Variants in LRP3 observed in about 807,000 individuals in gnomAD.
The protein encoded by LRP3 is low-density lipoprotein receptor-related protein 3.
Under a neutral mutation model 58.5 loss-of-function variants are expected in LRP3, and 49 were observed. The observed-to-expected ratio is 0.84, with a 90% CI of 0.67 to 1.06. LRP3 has a LOEUF of 1.06. Among genes scored for constraint, LRP3 ranks in the 50% least tolerant of loss-of-function variants. The pLI is 0.00. For missense variants in LRP3, 1,019 were observed against 1,134.2 expected (o/e 0.90, Z 1.46); for synonymous variants, 485 against 492.2 (o/e 0.99, Z 0.20).
chr19:33,202,882 G>A lies in LRP3; in HGVS notation c.156G>A (p.Glu52=). The A allele has an allele frequency of 1.2e-6, 2 of 1,611,128 alleles. No homozygotes were observed. Among genetic ancestry groups the A allele is most frequent in the East Asian group, 4.5e-5 (2 of 44,794 alleles). The change falls in exon 3 of 7, where the codon GAG becomes GAA. Residue 52 remains glutamate, a synonymous_variant. Coordinates refer to ENST00000253193, the MANE Select transcript of LRP3 (RefSeq NM_002333.4). ...ACSGKLEQHT[E]RRGVIYSPAW... ...GTGGGAAGCTGGAGCAGCACACGGA[G>A]CGGCGTGGGGTCATCTACAGCCCGG... is the stretch of plus-strand genomic sequence containing the variant.
intron 2 of LRP3, among the ~76,000 whole-genome samples, chr19:33,200,887 C>G (rs990686451): frequency 6.6e-4 from 100 of 152,210 alleles, no homozygotes; most frequent in African/African-American, 2.2e-3. Flanking sequence ...GCCAGCCTTG[C>G]TTTAGGACCA....
chr19:33,194,843 G>T lies in LRP3; in HGVS notation c.58G>T (p.Ala20Ser). Residue 20 changes from alanine (A) to serine (S), a missense_variant, in exon 1 of 7, where the codon GCC becomes TCC. Ala to Ser is a moderately conservative substitution (Grantham distance 99). Transcript: ENST00000253193. ...CGCGCCGGGCGCCCGGGCGCAGCTG[G>T]CCGTCGTCTGTCTGGGTGAGTGGGC... The part of the protein sequence containing the change: ...EGAPGARAQL[A>S]VVCLVNIFLT... The T allele has an allele frequency of 9.0e-7, 1 of 1,116,774 alleles. No homozygotes were observed. The highest frequency in any genetic ancestry group is 1.1e-6 in the Non-Finnish European group (1 of 915,336). The allele number at this position is 1,116,774 out of a possible 1,614,324, so 69.2% of individuals were successfully genotyped here. A position where few individuals can be genotyped will look rare whatever the true frequency, so the allele number is the denominator to read the frequency against.
rs759528064 is a variant in LRP3, at chr19:33,205,590, G to T, written c.820G>T (p.Ala274Ser). The T allele has an allele frequency of 6.2e-7, 1 of 1,609,948 alleles. No individual in the cohort carries two copies. The highest frequency in any genetic ancestry group is 8.5e-7 in the Non-Finnish European group (1 of 1,179,216). Reference sequence around the variant, plus strand: ...TGCCTCCCCAGACCTGTTCGGCGCCGCTCGCGGGCCCTCAGACCTTCACTG... The same window carrying T: ...TGCCTCCCCAGACCTGTTCGGCGCCTCTCGCGGGCCCTCAGACCTTCACTG... The part of the protein sequence containing the change: ...SFASPDLFGA[A>S]RGPSDLHCTW... Residue 274 changes from alanine (A) to serine (S), a missense_variant, in exon 5 of 7, where the codon GCT (alanine) becomes TCT (serine). Physicochemically the swap from Ala to Ser is moderately conservative, Grantham distance 99 (BLOSUM62 1). Coordinates refer to ENST00000253193, the MANE Select transcript of LRP3 (RefSeq NM_002333.4).
In LRP3 at chr19:33,206,250, C is replaced by A. The variant is rs761159779; in HGVS notation, c.1480C>A (p.Pro494Thr). The change falls in exon 5 of 7, where the codon CCC (proline) becomes ACC (threonine). Residue 494 changes from proline to threonine, a missense_variant. By Grantham distance (38) the Pro-to-Thr change is conservative (BLOSUM62 -1). This residue lies in a region of LRP3 where 427 missense variants were observed against 408.6 expected (regional missense o/e 1.04). Coordinates refer to ENST00000253193, the MANE Select transcript of LRP3 (RefSeq NM_002333.4). ...SDEHGCLAAVPRKVITAALIG... is the reference protein window; with the variant it reads ...SDEHGCLAAVTRKVITAALIG... ...TGAGCATGGGTGCCTGGCCGCCGTG[C>A]CCCGCAAGGTCATCACGGCGGCGCT... 6.3e-7 allele frequency: 1 copy of A among 1,597,504 alleles called. No homozygotes were observed. Among genetic ancestry groups the A allele is most frequent in the Non-Finnish European group, 8.5e-7 (1 of 1,172,534 alleles).
At position 33,206,858 on chromosome 19, in the gene LRP3, AGG is replaced by A. The variant is rs2145459334; in HGVS notation, c.1725+126_1725+127del. 2.4e-6 allele frequency: 3 copies of A among 1,250,858 alleles called. No homozygotes were observed. The South Asian group carries it at 4.7e-5, about 20-fold the overall frequency. The allele number at this position is 1,250,858 out of a possible 1,614,324, so 77.5% of individuals were successfully genotyped here. On this transcript the variant is annotated intron_variant, in intron 6 of 6. Coordinates refer to ENST00000253193, the MANE Select transcript of LRP3 (RefSeq NM_002333.4). Reference sequence around the variant, plus strand: ...CAGGGTGACCTGAGGGCCCATGGCCAGGTGGGGGGGGTGGACAAGGTGGTCTC... The same window carrying A: ...CAGGGTGACCTGAGGGCCCATGGCCATGGGGGGGGTGGACAAGGTGGTCTC...
chr19:33,206,594 C>T lies in LRP3; in HGVS notation c.1593-7C>T, dbSNP rs1974414193. The T allele has an allele frequency of 6.2e-7, 1 of 1,607,566 alleles. No individual in the cohort carries two copies. The highest frequency in any genetic ancestry group is 8.5e-7 in the Non-Finnish European group (1 of 1,176,750). On this transcript the variant is annotated splice_region_variant and splice_polypyrimidine_tract_variant and intron_variant, in intron 5 of 6. Transcript: ENST00000253193. Reference sequence around the variant, plus strand: ...CAGTCATGTCGCCCTCCGCCCACTGCTTCTAGGGCCTTCGAGACCCAGATG... The same window carrying T: ...CAGTCATGTCGCCCTCCGCCCACTGTTTCTAGGGCCTTCGAGACCCAGATG...
intron 3 of LRP3, 68 bp from the exon 4 acceptor site, chr19:33,204,570 C>T: frequency 8.3e-7 from 1 of 1,202,100 alleles, no homozygotes; most frequent in Non-Finnish European, 1.2e-6. Flanking sequence ...TGACCACTCC[C>T]TGCTGGTCCT....
chr19:33,199,267 C>T (rs1372667281), intron 2 of LRP3, among the ~76,000 whole-genome samples: 2 of 152,158 alleles, frequency 1.3e-5, no homozygotes, highest in Admixed American at 6.5e-5. Context: ...CATTGGCAAC[C>T]CCTGACCCTG....
intron 4 of LRP3, 122 bp downstream of exon 4, chr19:33,204,974 C>T (rs978965593): frequency 2.8e-5 from 26 of 927,810 alleles, no homozygotes; most frequent in Non-Finnish European, 3.7e-5. Context: ...GTCCCCTGAC[C>T]GCCCTGTCAA....
intron 2 of LRP3, among the ~76,000 whole-genome samples, chr19:33,197,576 A>C (rs1361810094): frequency 6.6e-6 from 1 of 152,226 alleles, no homozygotes; most frequent in African/African-American, 2.4e-5. Context: ...GTAGTGGGCT[A>C]TGACGGCTCC....
intron 2 of LRP3, among the ~76,000 whole-genome samples, chr19:33,200,056 A>T (rs1457179019): frequency 1.3e-5 from 2 of 152,156 alleles, no homozygotes; most frequent in African/African-American, 4.8e-5. Context: ...CAAAAAGGTG[A>T]ACATGGGAGG....
chr19:33,201,737 G>A (rs1378780877), intron 2 of LRP3, among the ~76,000 whole-genome samples: 4 of 152,324 alleles, frequency 2.6e-5, no homozygotes, highest in African/African-American at 7.2e-5. Flanking sequence ...ATGGACCAGC[G>A]TGGGGAAGGG....
chr19:33,203,210 GAGT>G (rs771077680), intron 3 of LRP3, among the ~76,000 whole-genome samples: 3 of 152,114 alleles, frequency 2.0e-5, no homozygotes, highest in Non-Finnish European at 4.4e-5. Context: ...GAGCATTTGT[GAGT>G]AGGTGTGTGT....
chr19:33,208,125 C>T lies in LRP3; in HGVS notation c.*550C>T, dbSNP rs875550. 0.095 allele frequency: 15,398 copies of T among 162,626 alleles called. 1,597 individuals carry two copies. The highest frequency in any genetic ancestry group is 0.27 in the African/African-American group (11,106 of 41,548). The allele number at this position is 162,626 out of a possible 1,614,324, so 10.1% of individuals were successfully genotyped here. On this transcript the variant is annotated 3_prime_UTR_variant, in exon 7 of 7. Coordinates refer to ENST00000253193, the MANE Select transcript of LRP3 (RefSeq NM_002333.4). The surrounding 1 kb of genome is among the most constrained non-coding windows in gnomAD (Gnocchi z 4.7). The stretch of plus-strand genomic sequence containing the variant: ...CCTGAAGGTCCAATCTCCTGGGCAC[C>T]GTGGAAGGGCTGGGGTGTGTGCCTG...
At position 33,205,767 on chromosome 19, in the gene LRP3, C is replaced by T. The variant is rs912364501; in HGVS notation, c.997C>T (p.Pro333Ser). 1.3e-6 allele frequency: 2 copies of T among 1,589,968 alleles called. No homozygotes were observed. ...GCTGTCCTACCGCAGCAACCACCGG[C>T]CCGTGAGCCTGGAGGCCGCCCAGGG... ...QTLSYRSNHR[P>S]VSLEAAQGRL... is the part of the protein sequence containing the mutation. The change falls in exon 5 of 7, where the codon CCC becomes TCC. Residue 333 changes from proline (P) to serine (S), a missense_variant. This residue lies in a region of LRP3 where 592 missense variants were observed against 725.5 expected (regional missense o/e 0.82). Transcript: ENST00000253193.
In LRP3 at chr19:33,205,753, G is replaced by T; in HGVS notation, c.983G>T (p.Arg328Leu). The T allele has an allele frequency of 6.3e-7, 1 of 1,593,622 alleles. No homozygotes were observed. The highest frequency in any genetic ancestry group is 1.1e-5 in the South Asian group (1 of 90,016). ...GDRLLQTLSY[R>L]SNHRPVSLEA... ...CGCCTGCTGCAGACGCTGTCCTACC[G>T]CAGCAACCACCGGCCCGTGAGCCTG... The change falls in exon 5 of 7, where the codon CGC (arginine) becomes CTC (leucine). Residue 328 changes from arginine to leucine, a missense_variant. By Grantham distance (102) the Arg-to-Leu change is moderately radical. This residue lies in a region of LRP3 where 592 missense variants were observed against 725.5 expected (regional missense o/e 0.82). Transcript: ENST00000253193.
At position 33,206,106 on chromosome 19, in the gene LRP3, G is replaced by A. The variant is rs763499144; in HGVS notation, c.1336G>A (p.Gly446Ser). The A allele has an allele frequency of 3.7e-6, 6 of 1,609,678 alleles. No individual in the cohort carries two copies. The highest frequency in any genetic ancestry group is 3.3e-5 in the Admixed American group (2 of 59,784). Residue 446 changes from glycine to serine, a missense_variant, in exon 5 of 7, where the codon GGC becomes AGC. Coordinates refer to ENST00000253193, the MANE Select transcript of LRP3 (RefSeq NM_002333.4). ...RCNNQKSCPD[G>S]ADEKNCFSCQ... The stretch of plus-strand genomic sequence containing the variant: ...CAACAACCAGAAAAGCTGTCCCGAC[G>A]GCGCCGACGAGAAGAACTGCTTCTC...
At chr19:33,199,155 G>A (rs564212800) in intron 2 of LRP3, among the ~76,000 whole-genome samples, 5 of 152,086 alleles carry the variant, frequency 3.3e-5, no homozygotes, top group South Asian at 4.2e-4. Context: ...CCATTATCCC[G>A]CAAATCATGC....
At chr19:33,196,001 A>C (rs146599425) in intron 1 of LRP3, among the ~76,000 whole-genome samples, 1 of 148,724 alleles carries the variant, frequency 6.7e-6, no homozygotes, top group African/African-American at 2.6e-5. Context: ...GTTTCCCCCC[A>C]CCCCCCGACT....
Sources: allele counts gnomAD v4.1 joint callset (sites outside exome capture counted in the v4.1 genomes callset), GRCh38; gene constraint gnomAD v4.1.1; regional missense constraint gnomAD v4.1.1; non-coding constraint Gnocchi (gnomAD v3.1); transcripts MANE v1.5; gene names NCBI Gene and HGNC (gene_info 2026-07-23, HGNC 2026-07-21).